Variants in ZSWIM6 observed in about 807,000 individuals in gnomAD.
ZSWIM6 encodes the protein zinc finger SWIM-type containing 6, also known as zinc finger SWIM domain-containing protein 6.
ZSWIM6 carries 9 observed loss-of-function variants against 113.2 expected under a neutral mutation model. The ratio of observed to expected loss-of-function variants is 0.08; its 90% confidence interval spans 0.05 to 0.14. The LOEUF is 0.14. Among genes scored for constraint, ZSWIM6 ranks in the 10% least tolerant of loss-of-function variants. The pLI is 1.00. For missense variants in ZSWIM6, 1,162 were observed against 1,552.2 expected, an observed-to-expected ratio of 0.75 and a Z score of 4.22; for synonymous variants, 611 against 606.5, an observed-to-expected ratio of 1.01 and a Z score of -0.11.
chr5:61,464,282 A>G (rs1747383872), intron 1 of ZSWIM6, among the ~76,000 whole-genome samples: 1 of 148,080 alleles, frequency 6.8e-6, no homozygotes, highest in Non-Finnish European at 1.5e-5. Context: ...CGGCCTCCCA[A>G]AGTGTTGGGA....
chr5:61,333,067 G>C (rs1312694737), intron 1 of ZSWIM6, 119 bp downstream of exon 1: 1 of 1,011,804 alleles, frequency 9.9e-7, no homozygotes, highest in African/African-American at 1.7e-5. Flanking sequence ...ACCCCTGCGG[G>C]TGTCCTCACT....
Position 61,515,853 on chromosome 5 carries a change from C to T in ZSWIM6, c.1334-5410C>T, listed in dbSNP as rs111512504. 6.9e-3 allele frequency among the ~76,000 whole-genome samples: 1,055 copies of T among 152,042 alleles called. 14 individuals are homozygous for T. The highest frequency in any genetic ancestry group is 0.024 in the African/African-American group (976 of 41,478). On this transcript the variant is annotated intron_variant, in intron 4 of 13. Coordinates refer to ENST00000252744, the MANE Select transcript of ZSWIM6 (RefSeq NM_020928.2). Reference sequence around the variant, plus strand: ...TTGAAGTCTTATTGTGAGGTGCAGCCGAGTCATCTGGGATTATGTCTTTTT... The same window carrying T: ...TTGAAGTCTTATTGTGAGGTGCAGCTGAGTCATCTGGGATTATGTCTTTTT...
intron 4 of ZSWIM6, among the ~76,000 whole-genome samples, chr5:61,515,773 A>G (rs548377719): frequency 2.6e-5 from 4 of 152,096 alleles, no homozygotes; most frequent in Non-Finnish European, 4.4e-5. Flanking sequence ...CTCCAAATAT[A>G]ATTGTGGATT....
chr5:61,466,632 T>C (rs943328354), intron 1 of ZSWIM6, among the ~76,000 whole-genome samples: 2 of 152,258 alleles, frequency 1.3e-5, no homozygotes, highest in African/African-American at 4.8e-5. Context: ...GTTTATTTCA[T>C]GTCTGCCAGT....
intron 4 of ZSWIM6, among the ~76,000 whole-genome samples, chr5:61,509,206 A>G (rs543329289): frequency 4.6e-5 from 7 of 152,202 alleles, no homozygotes; most frequent in Non-Finnish European, 8.8e-5. Context: ...TTCATTTTTC[A>G]TAATATTTCA....
At chr5:61,346,435 A>G (rs530639664) in intron 1 of ZSWIM6, among the ~76,000 whole-genome samples, 2 of 152,344 alleles carry the variant, frequency 1.3e-5, no homozygotes, top group Admixed American at 6.5e-5. Context: ...GCCTGGAGAT[A>G]GATTGTCAGC....
At chr5:61,353,366 A>C (rs1744830534) in intron 1 of ZSWIM6, among the ~76,000 whole-genome samples, 1 of 152,206 alleles carries the variant, frequency 6.6e-6, no homozygotes, top group Non-Finnish European at 1.5e-5. Flanking sequence ...TCTAAGGCTG[A>C]GGAAACAGAT....
At chr5:61,355,511 G>A (rs562630570) in intron 1 of ZSWIM6, among the ~76,000 whole-genome samples, 30 of 149,204 alleles carry the variant, frequency 2.0e-4, no homozygotes, top group Non-Finnish European at 4.0e-4. Context: ...TAGATGGCAG[G>A]AGCCAGAATG....
At chr5:61,519,850 CTG>C (rs1749065824) in intron 4 of ZSWIM6, among the ~76,000 whole-genome samples, 1 of 152,132 alleles carries the variant, frequency 6.6e-6, no homozygotes, top group Admixed American at 6.5e-5. Flanking sequence ...CGGGATGAAA[CTG>C]TATCACTTCA....
chr5:61,486,517 A>G (rs938430020), intron 2 of ZSWIM6, among the ~76,000 whole-genome samples: 42 of 152,160 alleles, frequency 2.8e-4, no homozygotes, highest in African/African-American at 1.0e-3. Flanking sequence ...AGAAATCTCC[A>G]TACTGTTTTC....
intron 1 of ZSWIM6, among the ~76,000 whole-genome samples, chr5:61,416,184 G>GAGGA (rs1746249100): frequency 6.6e-6 from 1 of 152,198 alleles, no homozygotes; most frequent in Non-Finnish European, 1.5e-5. Flanking sequence ...AAGGAATAGA[G>GAGGA]AGGAAGGAGG....
chr5:61,485,453 A>T (rs932742538), intron 2 of ZSWIM6, among the ~76,000 whole-genome samples: 2 of 152,046 alleles, frequency 1.3e-5, no homozygotes, highest in Non-Finnish European at 2.9e-5. Context: ...AATTCACCAT[A>T]TCTAAAACTA....
intron 1 of ZSWIM6, among the ~76,000 whole-genome samples, chr5:61,402,812 C>T (rs910110523): frequency 6.6e-6 from 1 of 152,136 alleles, no homozygotes; most frequent in African/African-American, 2.4e-5. Context: ...TATTTTTGGG[C>T]ATAATATCTT....
chr5:61,374,406 A>G (rs958214933), intron 1 of ZSWIM6, among the ~76,000 whole-genome samples: 1 of 152,102 alleles, frequency 6.6e-6, no homozygotes, highest in Non-Finnish European at 1.5e-5. Context: ...TGTAGGAGGG[A>G]GGTTAATGCC....
intron 1 of ZSWIM6, among the ~76,000 whole-genome samples, chr5:61,455,159 AAT>A (rs1747177613): frequency 6.6e-6 from 1 of 152,336 alleles, no homozygotes; most frequent in South Asian, 2.1e-4. Flanking sequence ...TTATAAAAAA[AAT>A]AGTTTTCTTC....
At position 61,543,316 on chromosome 5, in the gene ZSWIM6, AT is replaced by A; in HGVS notation, c.2786-137del. Reference sequence around the variant, plus strand: ...ATTCTTAAAGGTTTCTCACAGGCACATTACTTTACAGGATTTTCTAGCCTAG... The same window carrying A: ...ATTCTTAAAGGTTTCTCACAGGCACATACTTTACAGGATTTTCTAGCCTAG... On this transcript the variant is annotated intron_variant, in intron 13 of 13. Coordinates refer to ENST00000252744, the MANE Select transcript of ZSWIM6 (RefSeq NM_020928.2). The surrounding 1 kb of genome is among the most constrained non-coding windows in gnomAD (Gnocchi z 4.3). The A allele has an allele frequency of 9.9e-7, 1 of 1,006,864 alleles. No homozygotes were observed. Among genetic ancestry groups the A allele is most frequent in the East Asian group, 2.6e-5 (1 of 37,934 alleles). The allele number at this position is 1,006,864 out of a possible 1,614,324, so 62.4% of individuals were successfully genotyped here.
intron 10 of ZSWIM6, 132 bp from the exon 11 acceptor site, chr5:61,538,682 A>G: frequency 6.1e-6 from 6 of 983,654 alleles, no homozygotes; most frequent in South Asian, 1.8e-5. Context: ...GTATAGCTGT[A>G]CCAGCCCTTG....
At chr5:61,354,254 G>A (rs781599117) in intron 1 of ZSWIM6, among the ~76,000 whole-genome samples, 7 of 152,126 alleles carry the variant, frequency 4.6e-5, no homozygotes, top group Non-Finnish European at 4.4e-5. Flanking sequence ...TGTAGACTGG[G>A]CACAAGTTAA....
At chr5:61,424,284 G>A (rs1746418513) in intron 1 of ZSWIM6, among the ~76,000 whole-genome samples, 1 of 152,190 alleles carries the variant, frequency 6.6e-6, no homozygotes, top group Non-Finnish European at 1.5e-5. Context: ...GATGTTACAG[G>A]GATTAGATAT....
Sources: allele counts gnomAD v4.1 joint callset (sites outside exome capture counted in the v4.1 genomes callset), GRCh38; gene constraint gnomAD v4.1.1; non-coding constraint Gnocchi (gnomAD v3.1); transcripts MANE v1.5; gene names NCBI Gene and HGNC (gene_info 2026-07-23, HGNC 2026-07-21).